Variants in ANO3 observed in about 807,000 individuals in gnomAD.
ANO3 encodes anoctamin 3, also known as anoctamin-3.
In ANO3, 99 loss-of-function variants were observed where a neutral mutation model predicts 144.8. That is an observed-to-expected ratio of 0.68 (90% confidence interval 0.58 to 0.81). The LOEUF is 0.81. ANO3 is among the 30% of genes least tolerant of loss of function. The pLI, the probability that ANO3 is intolerant of heterozygous loss-of-function variation, is 0.00. For synonymous variants in ANO3, 414 were observed against 392.6 expected, an observed-to-expected ratio of 1.05 and a Z score of -0.64; for missense variants, 905 against 1,202.2, an observed-to-expected ratio of 0.75 and a Z score of 3.66.
At chr11:26,650,708 A>G (rs1318224820) in intron 24 of ANO3, among the ~76,000 whole-genome samples, 1 of 152,226 alleles carries the variant, frequency 6.6e-6, no homozygotes, top group Non-Finnish European at 1.5e-5. Flanking sequence ...CCACTATTGA[A>G]TAGATGCCTT....
chr11:26,627,213 G>A (rs1304134796), intron 18 of ANO3, among the ~76,000 whole-genome samples: 1 of 151,916 alleles, frequency 6.6e-6, no homozygotes, highest in Non-Finnish European at 1.5e-5. Context: ...TTTGGAGTTG[G>A]ATATAGCAAT....
At chr11:26,288,445 T>C (rs1173499288) in intron 1 of ANO3, among the ~76,000 whole-genome samples, 1 of 152,178 alleles carries the variant, frequency 6.6e-6, no homozygotes, top group African/African-American at 2.4e-5. Flanking sequence ...AAATTATAAA[T>C]CTGGACTCTT....
intron 9 of ANO3, among the ~76,000 whole-genome samples, chr11:26,536,599 G>A (rs531574180): frequency 7.2e-5 from 11 of 151,762 alleles, no homozygotes; most frequent in South Asian, 6.3e-4. Flanking sequence ...ATGTCTTAGC[G>A]TTTATAATTT....
At chr11:26,362,046 A>G (rs1326393251) in intron 1 of ANO3, among the ~76,000 whole-genome samples, 1 of 152,120 alleles carries the variant, frequency 6.6e-6, no homozygotes, top group Non-Finnish European at 1.5e-5. Context: ...AGTTTTAAAT[A>G]TGAGGATGGC....
chr11:26,444,978 G>T (rs1421371107), intron 3 of ANO3, among the ~76,000 whole-genome samples: 1 of 152,128 alleles, frequency 6.6e-6, no homozygotes, highest in Non-Finnish European at 1.5e-5. Flanking sequence ...GGCCTTTCCT[G>T]TAGTAATTAA....
chr11:26,607,989 C>G (rs895003378), intron 17 of ANO3, among the ~76,000 whole-genome samples: 7 of 152,202 alleles, frequency 4.6e-5, no homozygotes, highest in African/African-American at 1.7e-4. Flanking sequence ...AGAGGCGTTG[C>G]AATCATTTGG....
upstream of ANO3, among the ~76,000 whole-genome samples, chr11:26,328,605 T>C (rs1394290577): frequency 6.6e-6 from 1 of 152,154 alleles, no homozygotes. Context: ...CAGAGTTTCT[T>C]ACCTCTCTGG....
chr11:26,531,735 A>G (rs1849376514), intron 8 of ANO3, among the ~76,000 whole-genome samples: 2 of 145,574 alleles, frequency 1.4e-5, no homozygotes, highest in South Asian at 4.2e-4. Flanking sequence ...CAATTAACAT[A>G]TATTTATTAA....
At chr11:26,315,193 G>A (rs755969215) in intron 1 of ANO3, among the ~76,000 whole-genome samples, 1 of 151,986 alleles carries the variant, frequency 6.6e-6, no homozygotes, top group Non-Finnish European at 1.5e-5. Context: ...AAAAATATCT[G>A]TGTATTACCT....
chr11:26,269,798 C>G (rs1425885283), intron 1 of ANO3, among the ~76,000 whole-genome samples: 1 of 152,150 alleles, frequency 6.6e-6, no homozygotes, highest in Admixed American at 6.5e-5. Flanking sequence ...AAATTGTGCC[C>G]CACATCCACC....
intron 1 of ANO3, among the ~76,000 whole-genome samples, chr11:26,321,824 G>A (rs1036157310): frequency 9.2e-5 from 14 of 151,932 alleles, no homozygotes; most frequent in Admixed American, 6.6e-5. Context: ...GATATGTCAG[G>A]ATAAGTGTCT....
At chr11:26,566,095 C>G (rs1052052946) in intron 14 of ANO3, among the ~76,000 whole-genome samples, 1 of 151,874 alleles carries the variant, frequency 6.6e-6, no homozygotes, top group Non-Finnish European at 1.5e-5. Context: ...AATCTTTCTT[C>G]CTTCCTTGCT....
chr11:26,551,316 G>T (rs532806776), intron 12 of ANO3, among the ~76,000 whole-genome samples: 1 of 151,964 alleles, frequency 6.6e-6, no homozygotes, highest in Non-Finnish European at 1.5e-5. Flanking sequence ...ACCACAATTT[G>T]AGTGGTTGTT....
chr11:26,513,602 C>T (rs1044743316), intron 5 of ANO3, among the ~76,000 whole-genome samples: 3 of 152,140 alleles, frequency 2.0e-5, no homozygotes, highest in African/African-American at 7.2e-5. Context: ...CATGACTAGA[C>T]TTCAGGAACC....
intron 3 of ANO3, among the ~76,000 whole-genome samples, chr11:26,453,298 A>C (rs1269241841): frequency 6.6e-6 from 1 of 151,438 alleles, no homozygotes; most frequent in Non-Finnish European, 1.5e-5. Flanking sequence ...TTGGATAAAC[A>C]GTCAAGACCC....
At chr11:26,595,457 GTTGTTTTTTTTTTTT>G (rs1851583718) in intron 14 of ANO3, among the ~76,000 whole-genome samples, 1 of 67,840 alleles carries the variant, frequency 1.5e-5, no homozygotes, top group Non-Finnish European at 2.7e-5. Context: ...TTGAGATAGA[GTTGTTTTTTTTTTTT>G]TTTTTTTTTT....
chr11:26,661,616 G>A lies in ANO3; in HGVS notation c.*1172G>A, dbSNP rs1366940385. 3 of 152,136 alleles carry A rather than the reference G, an allele frequency of 2.0e-5. No homozygotes were observed. Among genetic ancestry groups the A allele is most frequent in the Non-Finnish European group, 4.4e-5 (3 of 68,010 alleles). 9.4% of individuals were successfully genotyped at this position (152,136 alleles called of 1,614,324 possible). On this transcript the variant is annotated 3_prime_UTR_variant, in exon 27 of 27. Coordinates refer to ENST00000256737, the MANE Select transcript of ANO3 (RefSeq NM_031418.4). ...GTTTCTTTTTTCATGACTGAAGGGA[G>A]TTTTATGTTATTATTTCTTCCATAG...
intron 1 of ANO3, among the ~76,000 whole-genome samples, chr11:26,238,812 A>G (rs1852590740): frequency 6.6e-6 from 1 of 152,060 alleles, no homozygotes; most frequent in Admixed American, 6.6e-5. Flanking sequence ...CTTGTTGCCT[A>G]ATAATTCATT....
chr11:26,221,094 C>A, intron 1 of ANO3, among the ~76,000 whole-genome samples: 1 of 152,190 alleles, frequency 6.6e-6, no homozygotes, highest in Non-Finnish European at 1.5e-5. Context: ...GGGTTAGCAA[C>A]AGGACAGGTC....
Sources: gnomAD v4.1 joint callset for allele counts (sites outside exome capture counted in the v4.1 genomes callset) on GRCh38, gnomAD v4.1.1 for gene constraint, MANE v1.5 for transcripts, NCBI Gene and HGNC (gene_info 2026-07-23, HGNC 2026-07-21) for gene names.